Variants in BCKDHB observed in about 807,000 individuals in gnomAD.
The protein encoded by BCKDHB is 2-oxoisovalerate dehydrogenase subunit beta, mitochondrial.
BCKDHB carries 41 observed loss-of-function variants against 48.5 expected under a neutral mutation model. The observed-to-expected ratio is 0.85, with a 90% CI of 0.66 to 1.10. The LOEUF (loss-of-function observed/expected upper bound fraction) is 1.10. BCKDHB is among the 50% of genes least tolerant of loss of function. The pLI is 0.00. For synonymous variants in BCKDHB, 201 were observed against 174.8 expected, an observed-to-expected ratio of 1.15 and a Z score of -1.18; for missense variants, 496 against 494.2, an observed-to-expected ratio of 1.00 and a Z score of -0.03.
chr6:80,310,711 A>G (rs1768110195), intron 9 of BCKDHB, among the ~76,000 whole-genome samples: 1 of 152,152 alleles, frequency 6.6e-6, no homozygotes, highest in South Asian at 2.1e-4. Flanking sequence ...TTACACTCCC[A>G]CCAACAATGT....
intron 1 of BCKDHB, among the ~76,000 whole-genome samples, chr6:80,120,902 A>G (rs894846796): frequency 6.6e-6 from 1 of 152,060 alleles, no homozygotes; most frequent in East Asian, 1.9e-4. Context: ...TTTTGTTGCC[A>G]TTGCTTTTGA....
chr6:80,118,203 G>T (rs936324541), intron 1 of BCKDHB, among the ~76,000 whole-genome samples: 1 of 152,130 alleles, frequency 6.6e-6, no homozygotes, highest in Non-Finnish European at 1.5e-5. Context: ...TTTGGCTCCA[G>T]ACCACTACAA....
the BCKDHB span, among the ~76,000 whole-genome samples, chr6:80,410,002 G>T: frequency 6.6e-6 from 1 of 151,976 alleles, no homozygotes; most frequent in African/African-American, 2.4e-5. Flanking sequence ...ATGTTAGCTG[G>T]TTATTTTGCC....
intron 6 of BCKDHB, among the ~76,000 whole-genome samples, chr6:80,184,094 A>G (rs1156611426): frequency 6.6e-6 from 1 of 152,174 alleles, no homozygotes; most frequent in Non-Finnish European, 1.5e-5. Context: ...CAACTTATTC[A>G]TCTGGTAGTA....
intron 9 of BCKDHB, among the ~76,000 whole-genome samples, chr6:80,281,507 G>A (rs1352633578): frequency 6.6e-6 from 1 of 152,210 alleles, no homozygotes; most frequent in Non-Finnish European, 1.5e-5. Context: ...GAAAACAGAA[G>A]GGTGGCCAGG....
the BCKDHB span, among the ~76,000 whole-genome samples, chr6:80,442,588 G>A: frequency 6.6e-6 from 1 of 152,088 alleles, no homozygotes; most frequent in Admixed American, 6.6e-5. Context: ...TGACCTGGAG[G>A]AAAGAAGAAA....
rs1227462261 is a variant in BCKDHB at position 80,344,940 on chromosome 6, C to T, written c.*1136C>T. The T allele has an allele frequency of 6.6e-6, 1 of 152,080 alleles. No individual in the cohort carries two copies. Among genetic ancestry groups the T allele is most frequent in the African/African-American group, 2.4e-5 (1 of 41,426 alleles). The allele number at this position is 152,080 out of a possible 1,614,324, so 9.4% of individuals were successfully genotyped here. A position where few individuals can be genotyped will look rare whatever the true frequency, so the allele number is the denominator to read the frequency against. On this transcript the variant is annotated 3_prime_UTR_variant, in exon 10 of 10. Coordinates refer to ENST00000320393, the MANE Select transcript of BCKDHB (RefSeq NM_183050.4). Reference sequence around the variant, plus strand: ...TGTATATTATCTGAAAAATGGATTTCTTGAGCAAAAGATCTGTTTATTGTA... The same window carrying T: ...TGTATATTATCTGAAAAATGGATTTTTTGAGCAAAAGATCTGTTTATTGTA...
chr6:80,458,563 A>C, the BCKDHB span, among the ~76,000 whole-genome samples: 1 of 152,220 alleles, frequency 6.6e-6, no homozygotes, highest in African/African-American at 2.4e-5. Context: ...TACGTGTGAC[A>C]CCACTTAACC....
At chr6:80,279,231 G>A (rs1021885660) in intron 9 of BCKDHB, among the ~76,000 whole-genome samples, 4 of 151,998 alleles carry the variant, frequency 2.6e-5, no homozygotes, top group African/African-American at 7.2e-5. Flanking sequence ...TCGGCTCACT[G>A]CAACCTCTGC....
chr6:80,168,909 C>G lies in BCKDHB; in HGVS notation c.512C>G (p.Ser171Cys). The change falls in exon 5 of 10, where the codon TCT (serine) becomes TGT (cysteine). Residue 171 changes from serine to cysteine, a missense_variant. Ser to Cys is a moderately radical substitution (Grantham distance 112). Transcript: ENST00000320393. ...VNEAAKYRYRSGDLFNCGSLT... is the reference protein window; with the variant it reads ...VNEAAKYRYRCGDLFNCGSLT... ...GAAGCTGCCAAGTATCGCTATCGCT[C>G]TGGGGATCTTTTTAACTGTGGAAGC... 2.5e-6 allele frequency: 4 copies of G among 1,614,134 alleles called. No homozygotes were observed. Among genetic ancestry groups the G allele is most frequent in the Non-Finnish European group, 2.5e-6 (3 of 1,180,002 alleles).
the BCKDHB span, among the ~76,000 whole-genome samples, chr6:80,359,317 T>A: frequency 2.6e-5 from 4 of 152,160 alleles, no homozygotes; most frequent in South Asian, 6.2e-4. Context: ...CTCCACCTAC[T>A]GTGTGCCACG....
intron 9 of BCKDHB, among the ~76,000 whole-genome samples, chr6:80,274,430 A>G (rs1156798655): frequency 6.6e-6 from 1 of 151,988 alleles, no homozygotes. Context: ...AGTACCTAGT[A>G]TTTATTGTGT....
chr6:80,238,708 G>A (rs889087940), intron 8 of BCKDHB, among the ~76,000 whole-genome samples: 4 of 151,558 alleles, frequency 2.6e-5, no homozygotes, highest in South Asian at 2.1e-4. Context: ...CCATTAACTC[G>A]TCATTTACAT....
At chr6:80,120,955 G>T (rs1769983336) in intron 1 of BCKDHB, among the ~76,000 whole-genome samples, 1 of 152,100 alleles carries the variant, frequency 6.6e-6, no homozygotes, top group Admixed American at 6.5e-5. Flanking sequence ...TGTCCTGAAT[G>T]GTATTGCCTA....
At chr6:80,447,144 T>C in the BCKDHB span, among the ~76,000 whole-genome samples, 1 of 152,258 alleles carries the variant, frequency 6.6e-6, no homozygotes, top group East Asian at 1.9e-4. Flanking sequence ...TGATGAACTG[T>C]GTAGTACAGT....
At chr6:80,119,273 A>G (rs555160297) in intron 1 of BCKDHB, among the ~76,000 whole-genome samples, 3 of 152,192 alleles carry the variant, frequency 2.0e-5, no homozygotes, top group Admixed American at 1.3e-4. Flanking sequence ...GAAGTCATCC[A>G]TGAGGGTTGA....
chr6:80,399,428 A>G, the BCKDHB span, among the ~76,000 whole-genome samples: 1 of 152,182 alleles, frequency 6.6e-6, no homozygotes, highest in Non-Finnish European at 1.5e-5. Flanking sequence ...ATGTGCAAAA[A>G]TAACTAACAT....
intron 1 of BCKDHB, among the ~76,000 whole-genome samples, chr6:80,108,326 A>G (rs1386294718): frequency 6.9e-6 from 1 of 145,036 alleles, no homozygotes; most frequent in Non-Finnish European, 1.5e-5. Context: ...TTTTTTTTCC[A>G]CCACCAAGAT....
intron 3 of BCKDHB, among the ~76,000 whole-genome samples, chr6:80,161,288 ATTT>A (rs879370902): frequency 0.072 from 10,916 of 152,154 alleles, 586 homozygotes; most frequent in South Asian, 0.24. Flanking sequence ...AGGAATATTA[ATTT>A]TTTATACTAC....
Sources: gnomAD v4.1 joint callset for allele counts (sites outside exome capture counted in the v4.1 genomes callset) on GRCh38, gnomAD v4.1.1 for gene constraint, MANE v1.5 for transcripts, NCBI Gene and HGNC (gene_info 2026-07-23, HGNC 2026-07-21) for gene names.